Variants in ELAVL4 observed in about 807,000 individuals in gnomAD.
The protein encoded by ELAVL4 is ELAV-like protein 4.
In ELAVL4, 1 loss-of-function variant was observed where a neutral mutation model predicts 35.6. That is an observed-to-expected ratio of 0.03 (90% confidence interval 0.01 to 0.13). The LOEUF (loss-of-function observed/expected upper bound fraction) is 0.13. ELAVL4 is among the 10% of genes least tolerant of loss of function. ELAVL4 has a pLI of 1.00. For synonymous variants in ELAVL4, 156 were observed against 171.0 expected, an observed-to-expected ratio of 0.91 and a Z score of 0.69; for missense variants, 267 against 464.9, an observed-to-expected ratio of 0.57 and a Z score of 3.91.
intron 1 of ELAVL4, among the ~76,000 whole-genome samples, chr1:50,080,808 A>G (rs1664975676): frequency 6.6e-6 from 1 of 152,154 alleles, no homozygotes; most frequent in African/African-American, 2.4e-5. Context: ...CTTTCCTCCA[A>G]GACAGTGAGC....
intron 2 of ELAVL4, among the ~76,000 whole-genome samples, chr1:50,166,615 T>G (rs1677964944): frequency 6.6e-6 from 1 of 152,202 alleles, no homozygotes; most frequent in Admixed American, 6.5e-5. Context: ...GACCCAAACC[T>G]TCATTCCTGA....
rs1663860694 is a variant in ELAVL4 at position 50,059,709 on chromosome 1, A to T, written c.18+11527A>T. Among the ~76,000 whole-genome samples the T allele has an allele frequency of 2.6e-5, 4 of 152,032 alleles. No homozygotes were observed. The South Asian group carries it at 8.4e-4, about 32-fold the overall frequency. On this transcript the variant is annotated intron_variant, in intron 1 of 6. Coordinates refer to the ELAVL4 transcript ENST00000448907. Reference sequence around the variant, plus strand: ...AATGGCCAAAAGGTAGAAACAGCCCAGATGTCCATGAATGGATGAATGCAT... The same window carrying T: ...AATGGCCAAAAGGTAGAAACAGCCCTGATGTCCATGAATGGATGAATGCAT...
upstream of ELAVL4, chr1:50,103,848 C>T (rs369204558): frequency 8.2e-5 from 124 of 1,518,578 alleles, 2 homozygotes; most frequent in South Asian, 5.2e-4. Context: ...TCCAGACAGC[C>T]GGAACAGGAG....
intron 2 of ELAVL4, among the ~76,000 whole-genome samples, chr1:50,171,042 A>C (rs1254118639): frequency 6.6e-6 from 1 of 152,068 alleles, no homozygotes. Context: ...GCAAACAAAC[A>C]AAAAAACCCC....
intron 6 of ELAVL4, 61 bp from the exon 7 acceptor site, chr1:50,200,790 G>T (rs1475237249): frequency 1.9e-6 from 3 of 1,580,674 alleles, no homozygotes; most frequent in Non-Finnish European, 2.6e-6. Flanking sequence ...CTGTGCATCT[G>T]TGTGTTATCC....
chr1:50,075,865 TC>T (rs1664738556), intron 1 of ELAVL4, among the ~76,000 whole-genome samples: 1 of 152,028 alleles, frequency 6.6e-6, no homozygotes, highest in Non-Finnish European at 1.5e-5. Context: ...TCTCACTCTG[TC>T]ACCCAGGCTG....
chr1:50,112,503 A>G (rs149024802), intron 1 of ELAVL4, among the ~76,000 whole-genome samples: 53 of 152,280 alleles, frequency 3.5e-4, no homozygotes, highest in Admixed American at 3.0e-3. Context: ...TGAAAATCCA[A>G]TTGGAAATAT....
intron 3 of ELAVL4, among the ~76,000 whole-genome samples, 195 bp from the exon 4 acceptor site, chr1:50,193,570 G>A (rs1382455126): frequency 6.6e-6 from 1 of 152,100 alleles, no homozygotes; most frequent in African/African-American, 2.4e-5. Context: ...CAACTCTCCT[G>A]TTGTTCCTCT....
chr1:50,122,626 C>A lies in ELAVL4; in HGVS notation c.9+13428C>A, dbSNP rs892387475. Among the ~76,000 whole-genome samples the A allele has an allele frequency of 3.3e-5, 5 of 152,040 alleles. No homozygotes were observed. In the South Asian group the frequency reaches 8.3e-4, roughly 25 times the overall value. On this transcript the variant is annotated intron_variant, in intron 1 of 6. Coordinates refer to ENST00000371824, the MANE Select transcript of ELAVL4 (RefSeq NM_001144774.3). The stretch of plus-strand genomic sequence containing the variant: ...TCCTAAAACTGGCAGCACAGAAAAG[C>A]CAACAAGAGCTCAAGAACTCAAATT...
intron 1 of ELAVL4, among the ~76,000 whole-genome samples, chr1:50,078,740 G>A (rs1422386861): frequency 6.6e-6 from 1 of 152,158 alleles, no homozygotes; most frequent in Non-Finnish European, 1.5e-5. Flanking sequence ...GGTGCCTGTG[G>A]TGCTTGCAGT....
chr1:50,193,966 G>T (rs1204916892), intron 4 of ELAVL4, 48 bp downstream of exon 4: 2 of 1,600,530 alleles, frequency 1.2e-6, no homozygotes, highest in East Asian at 4.5e-5. Context: ...AATGTCATCA[G>T]CCCTGTTACT....
chr1:50,086,704 C>G (rs1326648850), intron 1 of ELAVL4, among the ~76,000 whole-genome samples: 2 of 152,096 alleles, frequency 1.3e-5, no homozygotes, highest in Non-Finnish European at 2.9e-5. Flanking sequence ...TTGCTATGAG[C>G]TTTCCAACCC....
At chr1:50,194,867 AGAG>A (rs761022640) in intron 4 of ELAVL4, among the ~76,000 whole-genome samples, 8 of 152,120 alleles carry the variant, frequency 5.3e-5, no homozygotes, top group Non-Finnish European at 1.2e-4. Context: ...GTGTAAGTGG[AGAG>A]GAGAGCATAT....
intron 3 of ELAVL4, among the ~76,000 whole-genome samples, chr1:50,185,746 A>G (rs549271910): frequency 8.9e-4 from 135 of 152,328 alleles, no homozygotes; most frequent in South Asian, 3.7e-3. Context: ...TTTTCCATCT[A>G]CATGTTTCAG....
intron 2 of ELAVL4, among the ~76,000 whole-genome samples, chr1:50,164,667 C>T (rs1255133255): frequency 6.6e-6 from 1 of 152,160 alleles, no homozygotes; most frequent in African/African-American, 2.4e-5. Flanking sequence ...CTAGAGTCTT[C>T]TCTCCTTCAA....
At chr1:50,080,940 G>A (rs1223821336) in intron 1 of ELAVL4, among the ~76,000 whole-genome samples, 3 of 152,146 alleles carry the variant, frequency 2.0e-5, no homozygotes, top group African/African-American at 7.2e-5. Context: ...TTGCAGAGTC[G>A]ATACTCGGTT....
intron 2 of ELAVL4, among the ~76,000 whole-genome samples, chr1:50,172,883 T>A (rs984550410): frequency 6.6e-6 from 1 of 152,216 alleles, no homozygotes; most frequent in African/African-American, 2.4e-5. Flanking sequence ...ATTTTTGTTG[T>A]TCATCTGATC....
chr1:50,087,436 G>T (rs1334246205), intron 1 of ELAVL4, among the ~76,000 whole-genome samples: 2 of 152,122 alleles, frequency 1.3e-5, no homozygotes, highest in Non-Finnish European at 2.9e-5. Flanking sequence ...ATGTACAACA[G>T]ACTATGTCTT....
chr1:50,141,464 A>C (rs1672807415), intron 1 of ELAVL4, among the ~76,000 whole-genome samples: 1 of 152,144 alleles, frequency 6.6e-6, no homozygotes, highest in Non-Finnish European at 1.5e-5. Context: ...TTGCCTGGAC[A>C]CCTGACTCAG....
Sources: allele counts gnomAD v4.1 joint callset (sites outside exome capture counted in the v4.1 genomes callset), GRCh38; gene constraint gnomAD v4.1.1; transcripts MANE v1.5; gene names NCBI Gene and HGNC (gene_info 2026-07-23, HGNC 2026-07-21).